MRPL30: variants seen among roughly 807,000 people sequenced by gnomAD.
The protein encoded by MRPL30 is large ribosomal subunit protein uL30m.
Under a neutral mutation model 17.2 loss-of-function variants are expected in MRPL30, and 10 were observed. The ratio of observed to expected loss-of-function variants is 0.58; its 90% CI spans 0.36 to 0.99. The LOEUF (loss-of-function observed/expected upper bound fraction) is 0.99. Among genes scored for constraint, MRPL30 ranks in the 50% least tolerant of loss-of-function variants. The pLI, the probability that MRPL30 is intolerant of heterozygous loss-of-function variation, is 0.01. For missense variants in MRPL30, 170 were observed against 189.8 expected (o/e 0.90, Z 0.61); for synonymous variants, 61 against 62.1 (o/e 0.98, Z 0.08).
Position 99,195,804 on chromosome 2 carries a change from C to A in MRPL30, c.*99C>A. On this transcript the variant is annotated 3_prime_UTR_variant, in exon 6 of 6. Transcript: ENST00000338148. The stretch of plus-strand genomic sequence containing the variant: ...ATATGTTTTCAAAACCATTTTCAGG[C>A]CGGGCACGGTGGCTCACCTGTAATC... The A allele has an allele frequency of 6.4e-7, 1 of 1,557,162 alleles. No individual in the cohort carries two copies. The highest frequency in any genetic ancestry group is 2.4e-5 in the East Asian group (1 of 41,590).
In MRPL30 at chr2:99,195,918, A is replaced by C; in HGVS notation, c.*213A>C. ...CCAACATGGAGAAACCCCCATCTCT[A>C]CTGAAAATACAGAATTAGCCAGGCA... On this transcript the variant is annotated 3_prime_UTR_variant, in exon 6 of 6. Coordinates refer to ENST00000338148, the MANE Select transcript of MRPL30 (RefSeq NM_145212.4). 1 of 449,240 alleles carries C rather than the reference A, an allele frequency of 2.2e-6. No individual in the cohort carries two copies. The highest frequency in any genetic ancestry group is 4.3e-5 in the Admixed American group (1 of 23,204). 27.8% of individuals were successfully genotyped at this position (449,240 alleles called of 1,614,324 possible). A position where few individuals can be genotyped will look rare whatever the true frequency, so the allele number is the denominator to read the frequency against.
At chr2:99,182,763 ATATAT>A (rs895188440) in intron 1 of MRPL30, among the ~76,000 whole-genome samples, 25 of 152,204 alleles carry the variant, frequency 1.6e-4, no homozygotes, top group Non-Finnish European at 2.6e-4. Context: ...TTCTGCAAAA[ATATAT>A]TATATGTCTG....
intron 1 of MRPL30, among the ~76,000 whole-genome samples, 176 bp from the exon 2 acceptor site, chr2:99,186,001 T>C (rs1311922734): frequency 6.6e-6 from 1 of 152,228 alleles, no homozygotes; most frequent in Non-Finnish European, 1.5e-5. Context: ...TTACTACCTG[T>C]GGTTGAATAA....
At position 99,195,968 on chromosome 2, in the gene MRPL30, C is replaced by A; in HGVS notation, c.*263C>A. On this transcript the variant is annotated 3_prime_UTR_variant, in exon 6 of 6. Coordinates refer to ENST00000338148, the MANE Select transcript of MRPL30 (RefSeq NM_145212.4). ...ATGGTGGCACATGCCTGTAACCCAGCTACTCGGGAGGCTGAAGCAGGAGAA... is the reference window on the plus strand; with the variant it reads ...ATGGTGGCACATGCCTGTAACCCAGATACTCGGGAGGCTGAAGCAGGAGAA... The A allele has an allele frequency of 3.0e-6, 1 of 331,336 alleles. No homozygotes were observed. Among genetic ancestry groups the A allele is most frequent in the Non-Finnish European group, 5.5e-6 (1 of 180,370 alleles). 20.5% of individuals were successfully genotyped at this position (331,336 alleles called of 1,614,324 possible).
chr2:99,185,600 A>C (rs2105242422), intron 1 of MRPL30, among the ~76,000 whole-genome samples: 1 of 152,348 alleles, frequency 6.6e-6, no homozygotes, highest in South Asian at 2.1e-4. Context: ...GTGCATTGAG[A>C]ATAGTTTAAA....
At chr2:99,193,760 C>A (rs1398205193) in intron 3 of MRPL30, among the ~76,000 whole-genome samples, 1 of 152,102 alleles carries the variant, frequency 6.6e-6, no homozygotes, top group African/African-American at 2.4e-5. Flanking sequence ...GTATTTGCGC[C>A]AGGCGTGGTG....
chr2:99,194,316 C>T (rs1031106807), intron 3 of MRPL30, among the ~76,000 whole-genome samples: 2 of 152,206 alleles, frequency 1.3e-5, no homozygotes, highest in South Asian at 4.1e-4. Flanking sequence ...TCTGATCGCT[C>T]ATAGGCAGAG....
intron 1 of MRPL30, among the ~76,000 whole-genome samples, chr2:99,185,523 G>A (rs928406680): frequency 6.6e-6 from 1 of 152,172 alleles, no homozygotes; most frequent in African/African-American, 2.4e-5. Context: ...AGTCAGTATA[G>A]TAGGCTACAG....
chr2:99,195,194 G>A lies in MRPL30; in HGVS notation c.353+5G>A. ...AGTAGTTAAGCATTTGATAAGGTTT[G>A]TTGTTTCTTCTCAGCTCTTTTTAAA... On this transcript the variant is annotated splice_donor_5th_base_variant and intron_variant, in intron 5 of 5. Transcript: ENST00000338148. 1 of 1,598,774 alleles carries A rather than the reference G, an allele frequency of 6.3e-7. No homozygotes were observed. The highest frequency in any genetic ancestry group is 1.1e-5 in the South Asian group (1 of 88,988).
chr2:99,184,806 T>C (rs2093931235), intron 1 of MRPL30, among the ~76,000 whole-genome samples: 1 of 152,238 alleles, frequency 6.6e-6, no homozygotes, highest in South Asian at 2.1e-4. Flanking sequence ...GAGGTCTGGC[T>C]GTCTTCAGGA....
Position 99,198,126 on chromosome 2 carries a change from G to C in MRPL30, c.*2421G>C, listed in dbSNP as rs926927920. The stretch of plus-strand genomic sequence containing the variant: ...GTCTACAAGAAGAAAAGTCTTTAGT[G>C]AAAATATGGGCATAGGCCAGCAGCA... On this transcript the variant is annotated 3_prime_UTR_variant, in exon 6 of 6. Coordinates refer to ENST00000338148, the MANE Select transcript of MRPL30 (RefSeq NM_145212.4). Among the ~76,000 whole-genome samples the C allele has an allele frequency of 6.6e-6, 1 of 152,246 alleles. No individual in the cohort carries two copies.
intron 1 of MRPL30, among the ~76,000 whole-genome samples, chr2:99,184,407 A>G (rs762856106): frequency 2.0e-5 from 3 of 152,102 alleles, no homozygotes; most frequent in Non-Finnish European, 4.4e-5. Flanking sequence ...CATATCTGTA[A>G]TTACTTCTAT....
In MRPL30 at chr2:99,187,446, T is replaced by C. The variant is rs1022799255; in HGVS notation, c.52-731T>C. ...TTGTTAAATGTGAGTTATTGCACAT[T>C]GTCTAGAGCAAGAGTTGATAAACTA... On this transcript the variant is annotated intron_variant, in intron 2 of 5. Coordinates refer to ENST00000338148, the MANE Select transcript of MRPL30 (RefSeq NM_145212.4). Among the ~76,000 whole-genome samples, 3 of 152,240 alleles carry C rather than the reference T, an allele frequency of 2.0e-5. No individual in the cohort carries two copies. The South Asian group carries it at 6.2e-4, about 31-fold the overall frequency.
At chr2:99,191,119 G>A (rs1456716346) in intron 3 of MRPL30, among the ~76,000 whole-genome samples, 2 of 151,314 alleles carry the variant, frequency 1.3e-5, no homozygotes, top group African/African-American at 4.9e-5. Context: ...CAATTCTCCT[G>A]CCTCAGCCTC....
In MRPL30 at chr2:99,194,758, A is replaced by G. The variant is rs770524952; in HGVS notation, c.140A>G (p.Gln47Arg). The G allele has an allele frequency of 1.3e-6, 2 of 1,579,860 alleles. No individual in the cohort carries two copies. Among genetic ancestry groups the G allele is most frequent in the Middle Eastern group, 1.7e-4 (1 of 5,960 alleles). The change falls in exon 4 of 6, where the codon CAG becomes CGG. Residue 47 changes from glutamine to arginine, a missense_variant. Transcript: ENST00000338148. ...TAATTCTTTCCTTTCTAGGTGTTTCAGGCCTCACCTGAAGATCATGAAAAA... is the reference window on the plus strand; with the variant it reads ...TAATTCTTTCCTTTCTAGGTGTTTCGGGCCTCACCTGAAGATCATGAAAAA... The part of the protein sequence containing the change: ...TRSRIPEKVF[Q>R]ASPEDHEKYG...
chr2:99,187,621 C>T (rs770997940), intron 2 of MRPL30, among the ~76,000 whole-genome samples: 1 of 152,148 alleles, frequency 6.6e-6, no homozygotes, highest in African/African-American at 2.4e-5. Context: ...GTCAGGAGAT[C>T]GAGACCATCC....
chr2:99,188,610 AT>A (rs1255832484), intron 3 of MRPL30, among the ~76,000 whole-genome samples: 1 of 152,116 alleles, frequency 6.6e-6, no homozygotes, highest in African/African-American at 2.4e-5. Flanking sequence ...CGTATCGATC[AT>A]TGTTACTTTG....
chr2:99,187,622 G>A (rs1473881345), intron 2 of MRPL30, among the ~76,000 whole-genome samples: 1 of 152,068 alleles, frequency 6.6e-6, no homozygotes. Context: ...TCAGGAGATC[G>A]AGACCATCCT....
At position 99,197,963 on chromosome 2, in the gene MRPL30, AT is replaced by A. The variant is rs1291897444; in HGVS notation, c.*2260del. Among the ~76,000 whole-genome samples the A allele has an allele frequency of 6.6e-6, 1 of 152,132 alleles. No homozygotes were observed. The highest frequency in any genetic ancestry group is 1.5e-5 in the Non-Finnish European group (1 of 68,036). On this transcript the variant is annotated 3_prime_UTR_variant, in exon 6 of 6. Coordinates refer to ENST00000338148, the MANE Select transcript of MRPL30 (RefSeq NM_145212.4). ...CTGGCCTTACTGTACTAATATTAAT[AT>A]TGTGTAAATAGGGGAAAATACCATG...
Sources: allele counts gnomAD v4.1 joint callset (sites outside exome capture counted in the v4.1 genomes callset), GRCh38; gene constraint gnomAD v4.1.1; transcripts MANE v1.5; gene names NCBI Gene and HGNC (gene_info 2026-07-23, HGNC 2026-07-21).